Variants in DYNC2LI1 observed in about 807,000 individuals in gnomAD.
DYNC2LI1 encodes the protein cytoplasmic dynein 2 light intermediate chain 1.
DYNC2LI1 carries 45 observed loss-of-function variants against 51.9 expected under a neutral mutation model. The ratio of observed to expected loss-of-function variants is 0.87; its 90% CI spans 0.68 to 1.11. The LOEUF is 1.11. Among genes scored for constraint, DYNC2LI1 ranks in the 50% most tolerant of loss-of-function variants. The pLI is 0.00. For missense variants in DYNC2LI1, 490 were observed against 417.4 expected (o/e 1.17, Z -1.51); for synonymous variants, 130 against 137.8 (o/e 0.94, Z 0.40).
At chr2:43,787,547 T>C (rs1321438489) in intron 4 of DYNC2LI1, among the ~76,000 whole-genome samples, 2 of 152,210 alleles carry the variant, frequency 1.3e-5, no homozygotes, top group African/African-American at 4.8e-5. Context: ...TCTCAAAAAA[T>C]CTGCTAAAAT....
intron 12 of DYNC2LI1, among the ~76,000 whole-genome samples, chr2:43,805,884 C>CTTTTTTTTTTTT (rs202208932): frequency 6.7e-6 from 1 of 149,106 alleles, no homozygotes; most frequent in African/African-American, 2.5e-5. Context: ...TTTTCTTTTT[C>CTTTTTTTTTTTT]TTTTTCTTTT....
intron 10 of DYNC2LI1, among the ~76,000 whole-genome samples, chr2:43,803,013 C>T (rs1335171246): frequency 6.6e-6 from 1 of 152,130 alleles, no homozygotes; most frequent in Admixed American, 6.5e-5. Context: ...AAAATAGTGA[C>T]ACCACCAAAT....
At chr2:43,823,221 G>A in the DYNC2LI1 span, among the ~76,000 whole-genome samples, 2 of 152,054 alleles carry the variant, frequency 1.3e-5, no homozygotes, top group African/African-American at 4.8e-5. Flanking sequence ...ATGCAAAAGG[G>A]GCATGAATAA....
At chr2:43,796,157 G>A (rs1017843248) in intron 7 of DYNC2LI1, among the ~76,000 whole-genome samples, 199 bp downstream of exon 7, 1 of 152,016 alleles carries the variant, frequency 6.6e-6, no homozygotes, top group African/African-American at 2.4e-5. Flanking sequence ...GATTAGAATG[G>A]GGATAAGGCA....
At chr2:43,799,966 T>C (rs971812857) in intron 8 of DYNC2LI1, among the ~76,000 whole-genome samples, 2 of 152,222 alleles carry the variant, frequency 1.3e-5, no homozygotes, top group Non-Finnish European at 2.9e-5. Flanking sequence ...TTAAGAACTT[T>C]CTGTTCTTAA....
chr2:43,820,010 A>G, the DYNC2LI1 span: 3 of 1,614,212 alleles, frequency 1.9e-6, no homozygotes, highest in Non-Finnish European at 2.5e-6. Flanking sequence ...CAAGTAGCAC[A>G]AGAGTTAGAA....
At chr2:43,784,410 T>C (rs1673424541) in intron 3 of DYNC2LI1, among the ~76,000 whole-genome samples, 1 of 152,142 alleles carries the variant, frequency 6.6e-6, no homozygotes, top group Admixed American at 6.5e-5. Flanking sequence ...TACAAAATAG[T>C]ACATTGAGTT....
intron 5 of DYNC2LI1, among the ~76,000 whole-genome samples, chr2:43,791,594 G>T (rs962314479): frequency 6.6e-6 from 1 of 152,174 alleles, no homozygotes; most frequent in Non-Finnish European, 1.5e-5. Context: ...AAAGTAGGTT[G>T]CTGGGTGGTT....
the DYNC2LI1 span, among the ~76,000 whole-genome samples, chr2:43,821,028 C>T: frequency 6.6e-6 from 1 of 152,172 alleles, no homozygotes; most frequent in South Asian, 2.1e-4. Context: ...CTCCAAATTA[C>T]ATTTCCCTGG....
At chr2:43,822,983 A>T in the DYNC2LI1 span, 46 of 1,607,982 alleles carry the variant, frequency 2.9e-5, no homozygotes, top group Non-Finnish European at 3.8e-5. Flanking sequence ...CACCCAGCTG[A>T]AAAAGGGAGG....
chr2:43,815,050 C>G, the DYNC2LI1 span, among the ~76,000 whole-genome samples: 2 of 152,090 alleles, frequency 1.3e-5, no homozygotes, highest in African/African-American at 4.8e-5. Context: ...TATAAACGTA[C>G]AAGAAAATAC....
At chr2:43,786,348 G>A (rs1558672284) in intron 3 of DYNC2LI1, among the ~76,000 whole-genome samples, 2 of 151,986 alleles carry the variant, frequency 1.3e-5, no homozygotes, top group African/African-American at 4.8e-5. Context: ...ACAGACATGT[G>A]CTACCTTTTT....
intron 1 of DYNC2LI1, among the ~76,000 whole-genome samples, chr2:43,775,099 A>C (rs145077544): frequency 0.011 from 1,642 of 152,340 alleles, 9 homozygotes; most frequent in Non-Finnish European, 0.015. Flanking sequence ...CCTAAACTAC[A>C]TATATATTTT....
At position 43,794,639 on chromosome 2, in the gene DYNC2LI1, A is replaced by G. The variant is rs750300990; in HGVS notation, c.503A>G (p.His168Arg). 16 of 1,614,008 alleles carry G rather than the reference A, an allele frequency of 9.9e-6. No individual in the cohort carries two copies. The highest frequency in any genetic ancestry group is 3.3e-5 in the South Asian group (3 of 91,084). Residue 168 changes from histidine (H) to arginine (R), a missense_variant, in exon 6 of 13, where the codon CAT (histidine) becomes CGT (arginine). Coordinates refer to ENST00000260605, the MANE Select transcript of DYNC2LI1 (RefSeq NM_016008.4). ...QKIWNNMPKD[H>R]PDHELIDPFP... ...ATCTGGAATAATATGCCGAAGGATC[A>G]TCCTGTGAGTTGCTGTTTGGGATTA...
At chr2:43,814,397 A>G (rs1006291004), downstream of DYNC2LI1, 3 of 912,450 alleles carry the variant, frequency 3.3e-6, no homozygotes, top group Admixed American at 2.1e-5. Context: ...CACAGTTTTT[A>G]TTTCAAAAAT....
chr2:43,802,990 A>G (rs1052331980), intron 10 of DYNC2LI1, among the ~76,000 whole-genome samples: 1 of 152,178 alleles, frequency 6.6e-6, no homozygotes, highest in African/African-American at 2.4e-5. Context: ...ATTTAACAGG[A>G]TAGCTAAAAT....
intron 5 of DYNC2LI1, among the ~76,000 whole-genome samples, chr2:43,792,436 A>T (rs1206929855): frequency 3.9e-5 from 6 of 152,200 alleles, no homozygotes; most frequent in African/African-American, 1.4e-4. Flanking sequence ...ATCCTAAACC[A>T]TCAAGGATTA....
chr2:43,817,790 A>T, the DYNC2LI1 span, among the ~76,000 whole-genome samples: 5 of 151,912 alleles, frequency 3.3e-5, no homozygotes, highest in South Asian at 1.0e-3. Context: ...GGCACCTGTA[A>T]TCCCAGCTAC....
chr2:43,801,902 A>T (rs1234126071), intron 10 of DYNC2LI1, among the ~76,000 whole-genome samples, 193 bp downstream of exon 10: 2 of 152,114 alleles, frequency 1.3e-5, no homozygotes, highest in African/African-American at 2.4e-5. Context: ...GATGGAAGTG[A>T]TGTCACCACA....
Sources: gnomAD v4.1 joint callset for allele counts (sites outside exome capture counted in the v4.1 genomes callset) on GRCh38, gnomAD v4.1.1 for gene constraint, MANE v1.5 for transcripts, NCBI Gene and HGNC (gene_info 2026-07-23, HGNC 2026-07-21) for gene names.